ZNF232: variants seen among roughly 807,000 people sequenced by gnomAD.
The protein encoded by ZNF232 is zinc finger and SCAN domain-containing protein 11.
In ZNF232, 25 loss-of-function variants were observed where a neutral mutation model predicts 25.2. The ratio of observed to expected loss-of-function variants is 0.99; its 90% CI spans 0.72 to 1.39. ZNF232 has a LOEUF of 1.39. ZNF232 is among the 40% of genes most tolerant of loss of function. The pLI is 0.00. For missense variants in ZNF232, 519 were observed against 520.9 expected, an observed-to-expected ratio of 1.00 and a Z score of 0.04; for synonymous variants, 193 against 182.9, an observed-to-expected ratio of 1.06 and a Z score of -0.45.
At chr17:5,111,659 C>G in intron 1 of ZNF232, 141 bp downstream of exon 1, 1 of 1,329,036 alleles carries the variant, frequency 7.5e-7, no homozygotes, top group Non-Finnish European at 1.0e-6. Flanking sequence ...GCGCGGGCAC[C>G]ACGGGCAACC....
exon 4 of ZNF232, chr17:5,106,395 G>A (rs2072261864): frequency 1.9e-6 from 3 of 1,614,204 alleles, no homozygotes; most frequent in Non-Finnish European, 2.5e-6. Flanking sequence ...AGCTTCAAAT[G>A]TAGAGGTGTC....
In ZNF232 at chr17:5,106,211, TGA is replaced by T; in HGVS notation, c.919_920del (p.Ser307ThrfsTer16). The stretch of plus-strand genomic sequence containing the variant: ...GAACTCTCTGGTGGACAACAAGATG[TGA>T]GTTATAAATGAAGGTTTTACCACAT... On this transcript the variant is annotated frameshift_variant, in exon 4 of 4. Coordinates refer to ENST00000575898, the Ensembl canonical transcript of ZNF232. LOFTEE classifies it low-confidence loss of function (END_TRUNC). The T allele has an allele frequency of 1.2e-6, 2 of 1,614,176 alleles. No homozygotes were observed. Among genetic ancestry groups the T allele is most frequent in the Non-Finnish European group, 1.7e-6 (2 of 1,179,996 alleles).
At chr17:5,112,215 T>G, upstream of ZNF232, 1 of 306,172 alleles carries the variant, frequency 3.3e-6, no homozygotes, top group Non-Finnish European at 6.1e-6. Flanking sequence ...TCTGGCCTTG[T>G]CCATGGCCTG....
intron 3 of ZNF232, 69 bp downstream of exon 3, chr17:5,108,856 AG>A: frequency 1.2e-6 from 2 of 1,605,814 alleles, no homozygotes; most frequent in South Asian, 2.2e-5. Flanking sequence ...TACCCTTTAC[AG>A]GTACTAGGTA....
intron 1 of ZNF232, chr17:5,120,921 C>T: frequency 2.2e-6 from 1 of 454,558 alleles, no homozygotes; most frequent in Non-Finnish European, 4.4e-6. Flanking sequence ...ACCAGCCCCT[C>T]ATGATTTCGA....
At chr17:5,106,419 T>C (rs2143565722) in exon 4 of ZNF232, 1 of 1,614,248 alleles carries the variant, frequency 6.2e-7, no homozygotes, top group Middle Eastern at 1.6e-4. Context: ...AGCAAGTTTT[T>C]CTGAGAACAC....
Position 5,106,240 on chromosome 17 carries a change from C to T in ZNF232, c.892G>A (p.Glu298Lys), listed in dbSNP as rs202203881. ...TTATAAATGAAGGTTTTACCACATTCACTACATTCATGGTCTTTCTTCCCT... is the reference window on the plus strand; with the variant it reads ...TTATAAATGAAGGTTTTACCACATTTACTACATTCATGGTCTTTCTTCCCT... Residue 298 changes from glutamate to lysine, a missense_variant, in exon 4 of 4, where the codon GAA becomes AAA. By Grantham distance (56) the Glu-to-Lys change is moderately conservative (BLOSUM62 1). Transcript: ENST00000575898. 106 of 1,614,128 alleles carry T rather than the reference C, an allele frequency of 6.6e-5. No homozygotes were observed. Among genetic ancestry groups the T allele is most frequent in the Non-Finnish European group, 8.6e-5 (102 of 1,180,054 alleles).
intron 3 of ZNF232, 93 bp from the exon 4 acceptor site, chr17:5,106,626 C>T (rs529218737): frequency 4.0e-5 from 44 of 1,087,360 alleles, no homozygotes; most frequent in Middle Eastern, 2.6e-4. Flanking sequence ...GACAAACATT[C>T]GAAGAATATT....
At chr17:5,106,530 T>A (rs2072265462) in intron 3 of ZNF232, 1 of 1,582,684 alleles carries the variant, frequency 6.3e-7, no homozygotes, top group Non-Finnish European at 8.6e-7. Flanking sequence ...TAAATATACC[T>A]GTTCTGGATG....
At chr17:5,122,559 G>C (rs761582984) in intron 1 of ZNF232, among the ~76,000 whole-genome samples, 1 of 152,216 alleles carries the variant, frequency 6.6e-6, no homozygotes, top group South Asian at 2.1e-4. Flanking sequence ...AGGCCGAACC[G>C]GCCCCAGCCC....
intron 1 of ZNF232, among the ~76,000 whole-genome samples, chr17:5,122,643 C>T (rs1255943440): frequency 6.6e-6 from 1 of 152,188 alleles, no homozygotes; most frequent in African/African-American, 2.4e-5. Flanking sequence ...GGCTGCAACG[C>T]GTGTCTCCCC....
chr17:5,105,780 T>G, exon 4 of ZNF232: 1 of 1,494,528 alleles, frequency 6.7e-7, no homozygotes, highest in East Asian at 2.3e-5. Context: ...TAAAGTAGAT[T>G]AGACCGATGT....
intron 1 of ZNF232, chr17:5,111,588 A>C (rs2072411111): frequency 3.0e-6 from 2 of 669,204 alleles, no homozygotes; most frequent in Non-Finnish European, 5.0e-6. Context: ...TCGAGAAAAG[A>C]GAAGAGGAAC....
chr17:5,111,722 C>T lies in ZNF232; in HGVS notation c.23+78G>A, dbSNP rs928963667. 23 of 1,609,522 alleles carry T rather than the reference C, an allele frequency of 1.4e-5. No homozygotes were observed. In the Admixed American group the frequency reaches 3.5e-4, roughly 25 times the overall value. On this transcript the variant is annotated intron_variant, in intron 1 of 3. Coordinates refer to ENST00000575898, the Ensembl canonical transcript of ZNF232. ...AGCTGCCTGCCAGGCCTGCTCACTGCAGAGCCGCCGCTGCCTGCGGGACGG... is the reference window on the plus strand; with the variant it reads ...AGCTGCCTGCCAGGCCTGCTCACTGTAGAGCCGCCGCTGCCTGCGGGACGG...
chr17:5,108,103 A>AT (rs1188208453), intron 3 of ZNF232, among the ~76,000 whole-genome samples: 3 of 152,104 alleles, frequency 2.0e-5, no homozygotes, highest in Non-Finnish European at 4.4e-5. Context: ...CTCCATTTCT[A>AT]TTTTTTCCCA....
upstream of ZNF232, among the ~76,000 whole-genome samples, chr17:5,115,722 C>A (rs1402127393): frequency 6.6e-6 from 1 of 152,194 alleles, no homozygotes; most frequent in African/African-American, 2.4e-5. Context: ...CCATGAATAA[C>A]CTTCCAGTCA....
chr17:5,115,283 G>A (rs1446714982), upstream of ZNF232, among the ~76,000 whole-genome samples: 1 of 152,126 alleles, frequency 6.6e-6, no homozygotes, highest in African/African-American at 2.4e-5. Context: ...CGGATGTGGT[G>A]GGTCGTGCCT....
At chr17:5,116,969 A>G (rs769317249) in intron 1 of ZNF232, among the ~76,000 whole-genome samples, 6 of 152,236 alleles carry the variant, frequency 3.9e-5, no homozygotes, top group Non-Finnish European at 7.3e-5. Context: ...GGCGGTGCCT[A>G]CATTCTTGGG....
At chr17:5,105,809 G>T (rs199968587) in exon 4 of ZNF232, 1 of 1,554,388 alleles carries the variant, frequency 6.4e-7, no homozygotes, top group Non-Finnish European at 8.7e-7. Context: ...GTCTGGAGAC[G>T]TTCTCCCCTT....
Sources: allele counts gnomAD v4.1 joint callset (sites outside exome capture counted in the v4.1 genomes callset), GRCh38; gene constraint gnomAD v4.1.1; transcripts MANE v1.5; gene names NCBI Gene and HGNC (gene_info 2026-07-23, HGNC 2026-07-21).